NFAT5: variants seen among roughly 807,000 people sequenced by gnomAD.
NFAT5 encodes the protein nuclear factor of activated T-cells 5.
Under a neutral mutation model 166.5 loss-of-function variants are expected in NFAT5, and 31 were observed. That is an observed-to-expected ratio of 0.19 (90% confidence interval 0.14 to 0.25). The LOEUF (loss-of-function observed/expected upper bound fraction) is 0.25. Ranked by LOEUF, NFAT5 falls within the 10% of genes least tolerant of loss-of-function variation. The pLI, the probability that NFAT5 is intolerant of heterozygous loss-of-function variation, is 1.00. For missense variants in NFAT5, 1,449 were observed against 1,821.8 expected (o/e 0.80, Z 3.72); for synonymous variants, 612 against 639.7 (o/e 0.96, Z 0.65).
intron 2 of NFAT5, among the ~76,000 whole-genome samples, chr16:69,613,172 C>T (rs2033783669): frequency 6.6e-6 from 1 of 152,136 alleles, no homozygotes. Context: ...GCCAGTGATC[C>T]AATTTAGTTC....
Position 69,695,397 on chromosome 16 carries a change from G to C in NFAT5, c.*8+18G>C, listed in dbSNP as rs781315100. 7.8e-6 allele frequency: 12 copies of C among 1,546,446 alleles called. No individual in the cohort carries two copies. Among genetic ancestry groups the C allele is most frequent in the African/African-American group, 1.4e-5 (1 of 73,492 alleles). On this transcript the variant is annotated intron_variant, in intron 14 of 14. Coordinates refer to ENST00000349945, the MANE Select transcript of NFAT5 (RefSeq NM_138713.4). ...CTGGATATGTAAGTATTGCATTTTGGCTTCTTATTGAAAAGCATCAGATTT... is the reference window on the plus strand; with the variant it reads ...CTGGATATGTAAGTATTGCATTTTGCCTTCTTATTGAAAAGCATCAGATTT...
chr16:69,586,426 G>A (rs543054417), intron 2 of NFAT5, among the ~76,000 whole-genome samples: 18 of 151,548 alleles, frequency 1.2e-4, no homozygotes, highest in Non-Finnish European at 1.3e-4. Flanking sequence ...CTTTTTAGAC[G>A]GAATCTCACT....
chr16:69,692,909 A>G lies in NFAT5; in HGVS notation c.3084A>G (p.Gln1028=), dbSNP rs750180525. Residue 1028 remains glutamine (Q), a synonymous_variant, in exon 13 of 15, where the codon CAA becomes CAG. Coordinates refer to ENST00000349945, the MANE Select transcript of NFAT5 (RefSeq NM_138713.4). ...IQNSVFQTMV[Q]MQHSGDNQPQ... is the part of the protein sequence containing the mutation. ...ACAGTGTCTTTCAGACCATGGTCCA[A>G]ATGCAACATAGTGGGGACAATCAAC... 2 of 1,614,088 alleles carry G rather than the reference A, an allele frequency of 1.2e-6. No individual in the cohort carries two copies. The highest frequency in any genetic ancestry group is 2.2e-5 in the South Asian group (2 of 91,088).
intron 9 of NFAT5, among the ~76,000 whole-genome samples, chr16:69,672,828 G>A (rs556237914): frequency 4.1e-4 from 62 of 152,288 alleles, no homozygotes; most frequent in African/African-American, 1.5e-3. Context: ...TGCTTGTAAT[G>A]CTCTATTATG....
intron 5 of NFAT5, among the ~76,000 whole-genome samples, chr16:69,655,240 A>G (rs1381942255): frequency 1.3e-5 from 2 of 152,196 alleles, no homozygotes; most frequent in East Asian, 3.8e-4. Context: ...GATGATGATG[A>G]TGCCACTAAC....
At position 69,677,278 on chromosome 16, in the gene NFAT5, G is replaced by C. The variant is rs1267711829; in HGVS notation, c.1633G>C (p.Val545Leu). ...TLPVSVGIYV[V>L]TNAGRSHDVQ... ...GCCTGTGTCAGTGGGAATATATGTA[G>C]TGACAAATGCTGGAAGATCTCATGA... Residue 545 changes from valine to leucine, a missense_variant, in exon 10 of 15, where the codon GTG becomes CTG. By Grantham distance (32) the Val-to-Leu change is conservative (BLOSUM62 1). Coordinates refer to ENST00000349945, the MANE Select transcript of NFAT5 (RefSeq NM_138713.4). 4 of 1,612,108 alleles carry C rather than the reference G, an allele frequency of 2.5e-6. No homozygotes were observed. The highest frequency in any genetic ancestry group is 3.4e-6 in the Non-Finnish European group (4 of 1,179,258).
intron 10 of NFAT5, among the ~76,000 whole-genome samples, chr16:69,680,358 G>A (rs575630669): frequency 4.0e-4 from 61 of 152,248 alleles, no homozygotes; most frequent in South Asian, 1.5e-3. Context: ...AGATTTTCTT[G>A]TCTTCACTTG....
chr16:69,618,009 T>C (rs1280070118), intron 2 of NFAT5, among the ~76,000 whole-genome samples: 1 of 151,900 alleles, frequency 6.6e-6, no homozygotes, highest in Admixed American at 6.6e-5. Context: ...AAATACAAAA[T>C]TAGCTGGGCG....
Position 69,647,012 on chromosome 16 carries a change from G to GA in NFAT5, c.254-14dup. ...AAACATGTATAGTGTATTTACTCTT[G>GA]AATTGTACACTGCAGATGCTTCTTC... On this transcript the variant is annotated splice_polypyrimidine_tract_variant and intron_variant, in intron 3 of 14. Coordinates refer to ENST00000349945, the MANE Select transcript of NFAT5 (RefSeq NM_138713.4). The surrounding 1 kb of genome is among the most constrained non-coding windows in gnomAD (Gnocchi z 4.8). 6.5e-7 allele frequency: 1 copy of GA among 1,537,526 alleles called. No homozygotes were observed. Among genetic ancestry groups the GA allele is most frequent in the Non-Finnish European group, 8.8e-7 (1 of 1,140,550 alleles).
intron 13 of NFAT5, 69 bp from the exon 14 acceptor site, chr16:69,695,067 A>G: frequency 9.1e-7 from 1 of 1,101,160 alleles, no homozygotes; most frequent in Non-Finnish European, 1.4e-6. Context: ...CTAATCAGAT[A>G]GCTTCTATTT....
intron 10 of NFAT5, among the ~76,000 whole-genome samples, chr16:69,680,350 A>C (rs2037007296): frequency 6.6e-6 from 1 of 152,054 alleles, no homozygotes; most frequent in Non-Finnish European, 1.5e-5. Context: ...AAACACTGAG[A>C]TTTTCTTGTC....
chr16:69,701,408 AT>A lies in NFAT5; in HGVS notation c.*5062del, dbSNP rs2037896351. On this transcript the variant is annotated 3_prime_UTR_variant, in exon 15 of 15. Transcript: ENST00000349945. ...GTGCCTTTTTATCATTTATAATTTC[AT>A]TTTTCACTATTTCCAAAAACACATA... 6.6e-6 allele frequency: 1 copy of A among 152,458 alleles called. No individual in the cohort carries two copies. Among genetic ancestry groups the A allele is most frequent in the South Asian group, 2.1e-4 (1 of 4,828 alleles). 9.4% of individuals were successfully genotyped at this position (152,458 alleles called of 1,614,324 possible). A position where few individuals can be genotyped will look rare whatever the true frequency, so the allele number is the denominator to read the frequency against.
At position 69,701,249 on chromosome 16, in the gene NFAT5, C is replaced by T. The variant is rs1382353103; in HGVS notation, c.*4898C>T. Reference sequence around the variant, plus strand: ...ACAGGCATGAGCCACCACATCCGGCCTAATTACTTCTTTAATCCCCATTTA... The same window carrying T: ...ACAGGCATGAGCCACCACATCCGGCTTAATTACTTCTTTAATCCCCATTTA... On this transcript the variant is annotated 3_prime_UTR_variant, in exon 15 of 15. Transcript: ENST00000349945. 1 of 152,408 alleles carries T rather than the reference C, an allele frequency of 6.6e-6. No homozygotes were observed. The highest frequency in any genetic ancestry group is 2.4e-5 in the African/African-American group (1 of 41,418). 9.4% of individuals were successfully genotyped at this position (152,408 alleles called of 1,614,324 possible). A position where few individuals can be genotyped will look rare whatever the true frequency, so the allele number is the denominator to read the frequency against.
chr16:69,661,349 A>G (rs1042264069), intron 7 of NFAT5, among the ~76,000 whole-genome samples: 1 of 150,378 alleles, frequency 6.6e-6, no homozygotes, highest in Admixed American at 6.6e-5. Flanking sequence ...GTATTGAACA[A>G]CATAATGAGA....
chr16:69,671,308 AT>A (rs2036611814), intron 9 of NFAT5, among the ~76,000 whole-genome samples: 1 of 152,130 alleles, frequency 6.6e-6, no homozygotes, highest in Non-Finnish European at 1.5e-5. Context: ...TCCTAGAAAA[AT>A]TCACAGAACT....
intron 2 of NFAT5, among the ~76,000 whole-genome samples, chr16:69,619,311 T>C (rs1276821829): frequency 6.6e-6 from 1 of 152,216 alleles, no homozygotes; most frequent in Non-Finnish European, 1.5e-5. Context: ...GAGGCTGTGC[T>C]CTATCCGTGT....
At position 69,591,603 on chromosome 16, in the gene NFAT5, A is replaced by G. The variant is rs568823071; in HGVS notation, c.127+23055A>G. ...TTTCTACATTATGCTAGTGCCTTTA[A>G]ACAGTGTTTGAATATGAATCTCTAA... On this transcript the variant is annotated intron_variant, in intron 2 of 14. Transcript: ENST00000349945. Among the ~76,000 whole-genome samples the G allele has an allele frequency of 7.9e-5, 12 of 152,308 alleles. No homozygotes were observed. In the South Asian group the frequency reaches 2.3e-3, roughly 29 times the overall value.
At chr16:69,623,076 C>T (rs752331022) in intron 2 of NFAT5, among the ~76,000 whole-genome samples, 10 of 151,934 alleles carry the variant, frequency 6.6e-5, no homozygotes, top group Admixed American at 1.3e-4. Context: ...ACCTGTGAGG[C>T]GGAGGTTGTG....
chr16:69,688,515 C>G (rs2037420435), intron 11 of NFAT5, among the ~76,000 whole-genome samples: 2 of 151,822 alleles, frequency 1.3e-5, no homozygotes, highest in South Asian at 4.2e-4. Flanking sequence ...CTCTACCACA[C>G]CTGGCTTTTT....
Sources: gnomAD v4.1 joint callset for allele counts (sites outside exome capture counted in the v4.1 genomes callset) on GRCh38, gnomAD v4.1.1 for gene constraint, Gnocchi (gnomAD v3.1) non-coding constraint, MANE v1.5 for transcripts, NCBI Gene and HGNC (gene_info 2026-07-23, HGNC 2026-07-21) for gene names.